TIMELESS: variants seen among roughly 807,000 people sequenced by gnomAD.
TIMELESS encodes protein timeless homolog.
Under a neutral mutation model 164.3 loss-of-function variants are expected in TIMELESS, and 124 were observed. The observed-to-expected ratio is 0.75, with a 90% CI of 0.65 to 0.88. The LOEUF (loss-of-function observed/expected upper bound fraction) is 0.88. Among genes scored for constraint, TIMELESS ranks in the 40% least tolerant of loss-of-function variants. The pLI, the probability that TIMELESS is intolerant of heterozygous loss-of-function variation, is 0.00. For missense variants in TIMELESS, 1,422 were observed against 1,491.4 expected, an observed-to-expected ratio of 0.95 and a Z score of 0.77; for synonymous variants, 564 against 563.4, an observed-to-expected ratio of 1.00 and a Z score of -0.02.
At chr12:56,431,401 T>C in intron 8 of TIMELESS, 70 bp downstream of exon 8, 8 of 1,382,798 alleles carry the variant, frequency 5.8e-6, no homozygotes, top group Non-Finnish European at 9.8e-7. Context: ...TCACCCCACC[T>C]TAGAATTTGC....
At position 56,416,924 on chromosome 12, in the gene TIMELESS, A is replaced by C. The variant is rs1387375859; in HGVS notation, c.*792T>G. ...TTTTTAGTGGAGATGGGATTTCGCC[A>C]TATTGTCCAGGCCGGTCTCAAACTC... is the stretch of plus-strand genomic sequence containing the variant. On this transcript the variant is annotated 3_prime_UTR_variant, in exon 29 of 29. Coordinates refer to ENST00000553532, the MANE Select transcript of TIMELESS (RefSeq NM_003920.5). 1 of 152,056 alleles carries C rather than the reference A, an allele frequency of 6.6e-6. No individual in the cohort carries two copies. The highest frequency in any genetic ancestry group is 1.5e-5 in the Non-Finnish European group (1 of 68,046). The allele number at this position is 152,056 out of a possible 1,614,324, so 9.4% of individuals were successfully genotyped here.
intron 1 of TIMELESS, among the ~76,000 whole-genome samples, chr12:56,437,341 AGAAAG>A (rs1239541608): frequency 6.6e-6 from 1 of 152,232 alleles, no homozygotes; most frequent in African/African-American, 2.4e-5. Context: ...AATTCATAAA[AGAAAG>A]GAAATCATTT....
chr12:56,419,851 C>CA (rs1484230551), intron 26 of TIMELESS, among the ~76,000 whole-genome samples: 2 of 149,598 alleles, frequency 1.3e-5, no homozygotes, highest in Non-Finnish European at 3.0e-5. Flanking sequence ...ACAAAAAATA[C>CA]AAAAAATTAG....
intron 13 of TIMELESS, among the ~76,000 whole-genome samples, chr12:56,427,732 C>T (rs112149630): frequency 0.02 from 2,972 of 152,114 alleles, 29 homozygotes; most frequent in African/African-American, 0.028. Context: ...TGCATCAACA[C>T]GCCTGGCTAA....
At chr12:56,427,802 CT>C (rs1165854034) in intron 13 of TIMELESS, among the ~76,000 whole-genome samples, 2 of 152,194 alleles carry the variant, frequency 1.3e-5, no homozygotes, top group Non-Finnish European at 2.9e-5. Context: ...TCTTGAACCC[CT>C]GACCTCAAGT....
intron 1 of TIMELESS, among the ~76,000 whole-genome samples, chr12:56,441,907 C>T (rs373477586): frequency 1.2e-4 from 18 of 152,010 alleles, no homozygotes; most frequent in African/African-American, 4.1e-4. Flanking sequence ...CATGATGAAA[C>T]CCCGTCTCTA....
chr12:56,431,615 A>G lies in TIMELESS; in HGVS notation c.688-11T>C, dbSNP rs762259868. Reference sequence around the variant, plus strand: ...CAGCTGCTCGGGGTTCTAGATTGGAACAAAGAGGGAAGAATCAGGAGGACA... The same window carrying G: ...CAGCTGCTCGGGGTTCTAGATTGGAGCAAAGAGGGAAGAATCAGGAGGACA... On this transcript the variant is annotated splice_polypyrimidine_tract_variant and intron_variant, in intron 7 of 28. Coordinates refer to ENST00000553532, the MANE Select transcript of TIMELESS (RefSeq NM_003920.5). The G allele has an allele frequency of 6.8e-6, 11 of 1,606,340 alleles. No individual in the cohort carries two copies. The highest frequency in any genetic ancestry group is 9.3e-6 in the Non-Finnish European group (11 of 1,178,026).
intron 13 of TIMELESS, among the ~76,000 whole-genome samples, chr12:56,425,589 G>A (rs751859403): frequency 8.5e-5 from 13 of 152,114 alleles, no homozygotes; most frequent in Admixed American, 2.6e-4. Context: ...CTGAAAAGTA[G>A]GACAGCCAGG....
chr12:56,436,558 T>C (rs1882076547), intron 1 of TIMELESS, among the ~76,000 whole-genome samples: 1 of 152,186 alleles, frequency 6.6e-6, no homozygotes, highest in East Asian at 1.9e-4. Context: ...CATCGTGTGA[T>C]TGATGCTATG....
At chr12:56,438,465 G>A (rs1192259216) in intron 1 of TIMELESS, among the ~76,000 whole-genome samples, 1 of 150,594 alleles carries the variant, frequency 6.6e-6, no homozygotes, top group East Asian at 2.0e-4. Context: ...ACTCAAATTT[G>A]AAAGTCTATA....
Position 56,428,548 on chromosome 12 carries a change from C to A in TIMELESS, c.1408+1G>T. ...GATCGGGGACCAGGCCAGGGCCTCA[C>A]TCTTGATGATGCGGCTGCTCTCCCT... On this transcript the variant is annotated splice_donor_variant, in intron 12 of 28. Transcript: ENST00000553532. LOFTEE classifies it high-confidence loss of function. 1 of 1,613,894 alleles carries A rather than the reference C, an allele frequency of 6.2e-7. No homozygotes were observed.
chr12:56,425,046 G>A lies in TIMELESS; in HGVS notation c.1685C>T (p.Ala562Val). 3 of 1,614,198 alleles carry A rather than the reference G, an allele frequency of 1.9e-6. No individual in the cohort carries two copies. Among genetic ancestry groups the A allele is most frequent in the Non-Finnish European group, 2.5e-6 (3 of 1,180,034 alleles). Residue 562 changes from alanine (A) to valine (V), a missense_variant, in exon 14 of 29, where the codon GCC (alanine) becomes GTC (valine). Ala to Val is a moderately conservative substitution (Grantham distance 64, BLOSUM62 0). Transcript: ENST00000553532. ...ACAGCACTGTAGCTGCTCAGCCAGG[G>A]CTGGCCACACAGCCTCCACTTCTTC... ...SPEEVEAVWP[A>V]LAEQLQCCAQ...
chr12:56,431,369 A>AC (rs1881873979), intron 8 of TIMELESS, 102 bp downstream of exon 8: 8 of 1,407,020 alleles, frequency 5.7e-6, no homozygotes, highest in South Asian at 2.9e-5. Context: ...AAAAAAAAAA[A>AC]AAACACTAAA....
At position 56,424,884 on chromosome 12, in the gene TIMELESS, A is replaced by T; in HGVS notation, c.1746T>A (p.Val582=). Residue 582 remains valine, a synonymous_variant, in exon 15 of 29, where the codon GTT becomes GTA. Coordinates refer to ENST00000553532, the MANE Select transcript of TIMELESS (RefSeq NM_003920.5). ...QNSELSMDSV[V]PFDAASEVPV... is the part of the protein sequence containing the mutation. ...GCACCTCTGAGGCCGCATCAAAGGG[A>T]ACCACGGAGTCCATGCTGAGCTCAG... 5.6e-6 allele frequency: 9 copies of T among 1,614,232 alleles called. No homozygotes were observed. Among genetic ancestry groups the T allele is most frequent in the Non-Finnish European group, 7.6e-6 (9 of 1,180,036 alleles).
At position 56,440,771 on chromosome 12, in the gene TIMELESS, G is replaced by C. The variant is rs1465020366; in HGVS notation, c.-61-6540C>G. On this transcript the variant is annotated intron_variant, in intron 1 of 28. Coordinates refer to ENST00000553532, the MANE Select transcript of TIMELESS (RefSeq NM_003920.5). Reference sequence around the variant, plus strand: ...AGCAGTCTGCATCAAGGTAAGTACAGAAAGAAAGCATTAGCACTTAGAACA... The same window carrying C: ...AGCAGTCTGCATCAAGGTAAGTACACAAAGAAAGCATTAGCACTTAGAACA... Among the ~76,000 whole-genome samples, 10 of 152,228 alleles carry C rather than the reference G, an allele frequency of 6.6e-5. No homozygotes were observed. The East Asian group carries it at 1.9e-3, about 29-fold the overall frequency.
Position 56,418,146 on chromosome 12 carries a change from C to A in TIMELESS, c.3442G>T (p.Ala1148Ser), listed in dbSNP as rs868081171. The change falls in exon 27 of 29, where the codon GCA (alanine) becomes TCA (serine). Residue 1148 changes from alanine to serine, a missense_variant. Physicochemically the swap from Ala to Ser is moderately conservative, Grantham distance 99. Transcript: ENST00000553532. ...GTCGCACTATTACCCTCTGGGGATG[C>A]CAGGCCCGCTTTCTTCTTGTGGGCT... The part of the protein sequence containing the change: ...LLAHKKKAGL[A>S]SPEEEDAVGK... The A allele has an allele frequency of 6.2e-7, 1 of 1,614,088 alleles. No individual in the cohort carries two copies.
chr12:56,446,674 T>TA (rs1176370686), intron 1 of TIMELESS, among the ~76,000 whole-genome samples: 5 of 151,494 alleles, frequency 3.3e-5, no homozygotes, highest in African/African-American at 2.4e-5. Flanking sequence ...CTACTAAAAA[T>TA]AAAAAAAATT....
chr12:56,423,239 C>T (rs1372643592), intron 18 of TIMELESS, 35 bp downstream of exon 18: 1 of 1,609,384 alleles, frequency 6.2e-7, no homozygotes, highest in Non-Finnish European at 8.5e-7. Flanking sequence ...GGTTCCCATA[C>T]CCTTCCAGAA....
At chr12:56,428,074 C>T (rs1032281173) in intron 13 of TIMELESS, among the ~76,000 whole-genome samples, 162 bp downstream of exon 13, 1 of 152,190 alleles carries the variant, frequency 6.6e-6, no homozygotes, top group Non-Finnish European at 1.5e-5. Flanking sequence ...GAGAAGGAAA[C>T]TGTAGTAGAC....
Sources: allele counts gnomAD v4.1 joint callset (sites outside exome capture counted in the v4.1 genomes callset), GRCh38; gene constraint gnomAD v4.1.1; transcripts MANE v1.5; gene names NCBI Gene and HGNC (gene_info 2026-07-23, HGNC 2026-07-21).